The following ASTN1 variants were observed in gnomAD, a reference collection of about 807,000 sequenced individuals.
ASTN1 encodes astrotactin 1, also known as astrotactin-1.
In ASTN1, 41 loss-of-function variants were observed where a neutral mutation model predicts 140.7. The observed-to-expected ratio is 0.29, with a 90% CI of 0.23 to 0.38. The LOEUF (loss-of-function observed/expected upper bound fraction) is 0.38, where lower values mean the gene tolerates loss of function less well. Ranked by LOEUF, ASTN1 falls within the 10% of genes least tolerant of loss-of-function variation. The pLI is 1.00. For missense variants in ASTN1, 1,479 were observed against 1,678.8 expected (o/e 0.88, Z 2.08); for synonymous variants, 640 against 652.2 (o/e 0.98, Z 0.29).
intron 1 of ASTN1, among the ~76,000 whole-genome samples, chr1:177,114,466 ATAAT>A (rs1341130601): frequency 1.3e-5 from 2 of 152,094 alleles, no homozygotes; most frequent in African/African-American, 4.8e-5. Flanking sequence ...CAATTTTAAG[ATAAT>A]TATAGATTTA....
intron 1 of ASTN1, among the ~76,000 whole-genome samples, chr1:177,072,307 T>C (rs1043542611): frequency 6.6e-6 from 1 of 152,244 alleles, no homozygotes; most frequent in Non-Finnish European, 1.5e-5. Context: ...GTACAAATCA[T>C]ATGGCAATCT....
At chr1:176,887,216 T>G (rs1040551054) in intron 18 of ASTN1, among the ~76,000 whole-genome samples, 1 of 152,202 alleles carries the variant, frequency 6.6e-6, no homozygotes, top group African/African-American at 2.4e-5. Flanking sequence ...TCTCTAGTAT[T>G]TACTTTTTTG....
At chr1:176,896,665 A>C (rs2103041302) in intron 16 of ASTN1, among the ~76,000 whole-genome samples, 1 of 152,338 alleles carries the variant, frequency 6.6e-6, no homozygotes, top group African/African-American at 2.4e-5. Flanking sequence ...CATATTACAT[A>C]GCAATCAAGA....
chr1:177,134,137 GC>G (rs1278117141), intron 1 of ASTN1, among the ~76,000 whole-genome samples: 2 of 152,146 alleles, frequency 1.3e-5, no homozygotes, highest in Non-Finnish European at 2.9e-5. Context: ...TACATAGCTA[GC>G]CCCCATGCTT....
In ASTN1 at chr1:177,061,165, G is replaced by A. The variant is rs1383681865; in HGVS notation, c.384C>T (p.Ala128=). ...TGGGGTCTTGTCCAGGAAGGCTTGG[G>A]GCACCATCTTGGTGATGAATGTGAA... is the stretch of plus-strand genomic sequence containing the variant. ...LLFHIHHQDG[A]PSLPGQDPTE... is the part of the protein sequence containing the mutation. Residue 128 remains alanine (A), a synonymous_variant, in exon 2 of 23, where the codon GCC becomes GCT. Transcript: ENST00000361833. 1 of 1,611,576 alleles carries A rather than the reference G, an allele frequency of 6.2e-7. No homozygotes were observed. The highest frequency in any genetic ancestry group is 1.7e-5 in the Admixed American group (1 of 59,652).
intron 5 of ASTN1, among the ~76,000 whole-genome samples, chr1:177,027,454 T>G (rs1676174528): frequency 6.6e-6 from 1 of 151,388 alleles, no homozygotes; most frequent in Non-Finnish European, 1.5e-5. Context: ...CTCCAATGGT[T>G]CCTTACACCC....
chr1:176,923,788 TATAGAC>T (rs1410541902), intron 16 of ASTN1, among the ~76,000 whole-genome samples: 9 of 152,204 alleles, frequency 5.9e-5, no homozygotes, highest in Non-Finnish European at 1.3e-4. Context: ...GGGACTACTG[TATAGAC>T]ATTTTATTGC....
intron 1 of ASTN1, among the ~76,000 whole-genome samples, chr1:177,108,656 A>G (rs1245585597): frequency 1.3e-5 from 2 of 152,138 alleles, no homozygotes; most frequent in Non-Finnish European, 2.9e-5. Context: ...CCTTTTGGTT[A>G]TTGTGGATAA....
At chr1:177,081,316 G>T (rs1422746320) in intron 1 of ASTN1, among the ~76,000 whole-genome samples, 1 of 152,028 alleles carries the variant, frequency 6.6e-6, no homozygotes, top group East Asian at 1.9e-4. Context: ...TGTATTTCAT[G>T]CCAATTACTA....
At chr1:177,003,229 G>A (rs2861882) in intron 8 of ASTN1, among the ~76,000 whole-genome samples, 82,826 of 150,740 alleles carry the variant, frequency 0.55, 23,212 homozygotes, top group Non-Finnish European at 0.58. Context: ...GAAAATAGAC[G>A]CAAAAACTCC....
chr1:176,948,980 G>A (rs1672070692), intron 12 of ASTN1, among the ~76,000 whole-genome samples: 1 of 152,136 alleles, frequency 6.6e-6, no homozygotes, highest in African/African-American at 2.4e-5. Flanking sequence ...TATAGGGGCT[G>A]GACTAGACTT....
intron 16 of ASTN1, among the ~76,000 whole-genome samples, chr1:176,908,088 G>T (rs922156569): frequency 1.3e-5 from 2 of 151,732 alleles, no homozygotes; most frequent in Admixed American, 1.3e-4. Context: ...GCCCTCTAAA[G>T]CTTCTGCCAC....
chr1:177,122,282 G>T (rs1210953075), intron 1 of ASTN1, among the ~76,000 whole-genome samples: 1 of 152,164 alleles, frequency 6.6e-6, no homozygotes, highest in African/African-American at 2.4e-5. Context: ...AGTGACAGGA[G>T]CCATGTCTTG....
intron 8 of ASTN1, among the ~76,000 whole-genome samples, chr1:176,975,848 A>G (rs1449893344): frequency 6.6e-6 from 1 of 152,208 alleles, no homozygotes; most frequent in African/African-American, 2.4e-5. Context: ...TTTTTAAAAT[A>G]TTAGGTGGAT....
At chr1:177,143,179 G>A (rs569668971) in intron 1 of ASTN1, among the ~76,000 whole-genome samples, 2 of 152,326 alleles carry the variant, frequency 1.3e-5, no homozygotes, top group African/African-American at 4.8e-5. Context: ...GTGACTTCAA[G>A]ATGAAAGCAG....
intron 9 of ASTN1, among the ~76,000 whole-genome samples, chr1:176,961,236 C>T (rs924251225): frequency 6.6e-6 from 1 of 152,174 alleles, no homozygotes; most frequent in Non-Finnish European, 1.5e-5. Flanking sequence ...CCATGTAGAG[C>T]AGGCTATAGG....
chr1:176,924,097 A>G (rs984001956), intron 16 of ASTN1, among the ~76,000 whole-genome samples: 4 of 152,326 alleles, frequency 2.6e-5, no homozygotes, highest in South Asian at 2.1e-4. Flanking sequence ...TACATGTTGG[A>G]TAAAAGAAAA....
chr1:176,975,540 T>C (rs1022981744), intron 8 of ASTN1, among the ~76,000 whole-genome samples: 10 of 152,206 alleles, frequency 6.6e-5, no homozygotes, highest in African/African-American at 2.4e-4. Flanking sequence ...GGGTATAAAG[T>C]AGTGGGTGGA....
chr1:176,930,042 G>T (rs1359495236), intron 16 of ASTN1, among the ~76,000 whole-genome samples: 1 of 152,162 alleles, frequency 6.6e-6, no homozygotes, highest in Non-Finnish European at 1.5e-5. Context: ...GTGAGTTGTA[G>T]AATGGAGTGG....
Sources: gnomAD v4.1 joint callset for allele counts (sites outside exome capture counted in the v4.1 genomes callset) on GRCh38, gnomAD v4.1.1 for gene constraint, MANE v1.5 for transcripts, NCBI Gene and HGNC (gene_info 2026-07-23, HGNC 2026-07-21) for gene names.